ANKH: variants seen among roughly 807,000 people sequenced by gnomAD.
ANKH encodes the protein ANKH inorganic pyrophosphate transport regulator, also known as mineralization regulator ANKH.
Under a neutral mutation model 49.0 loss-of-function variants are expected in ANKH, and 15 were observed. That is an observed-to-expected ratio of 0.31 (90% CI 0.20 to 0.47). The LOEUF is 0.47. ANKH is among the 20% of genes least tolerant of loss of function. The pLI, the probability that ANKH is intolerant of heterozygous loss-of-function variation, is 1.00. For missense variants in ANKH, 429 were observed against 652.0 expected (o/e 0.66, Z 3.72); for synonymous variants, 273 against 260.0 (o/e 1.05, Z -0.48).
intron 8 of ANKH, among the ~76,000 whole-genome samples, chr5:14,720,596 C>G (rs1394281316): frequency 6.6e-6 from 1 of 152,216 alleles, no homozygotes; most frequent in Non-Finnish European, 1.5e-5. Context: ...AGCAGTAAAA[C>G]TGTAAAGAAT....
intron 1 of ANKH, among the ~76,000 whole-genome samples, chr5:14,804,886 C>A (rs1423357615): frequency 6.6e-6 from 1 of 152,160 alleles, no homozygotes; most frequent in African/African-American, 2.4e-5. Flanking sequence ...TTGTGTGAGT[C>A]TGATGGCCTC....
rs140603036 is a variant in ANKH, at chr5:14,801,983, A to C, written c.97-32792T>G. 2.7e-3 allele frequency among the ~76,000 whole-genome samples: 405 copies of C among 152,270 alleles called. 2 individuals are homozygous for C. Among genetic ancestry groups the C allele is most frequent in the Non-Finnish European group, 4.4e-3 (302 of 68,014 alleles). ...GGCTGCAGGACAGGATGCATTTCCT[A>C]CTGTGCATTGCTGGCAGCTGTTTCC... On this transcript the variant is annotated intron_variant, in intron 1 of 11. Transcript: ENST00000284268.
intron 6 of ANKH, among the ~76,000 whole-genome samples, chr5:14,748,675 T>C (rs967910988): frequency 1.3e-5 from 2 of 152,178 alleles, no homozygotes; most frequent in Non-Finnish European, 2.9e-5. Flanking sequence ...AGGTGGCACA[T>C]GCAGGATGGT....
chr5:14,765,974 A>G (rs1269436476), intron 2 of ANKH, among the ~76,000 whole-genome samples: 1 of 152,176 alleles, frequency 6.6e-6, no homozygotes, highest in Non-Finnish European at 1.5e-5. Context: ...AGACTGGGGG[A>G]AAAAAGTCTA....
rs536061750 is a variant in ANKH, at chr5:14,710,644, C to T, written c.*553G>A. On this transcript the variant is annotated 3_prime_UTR_variant, in exon 12 of 12. Coordinates refer to ENST00000284268, the MANE Select transcript of ANKH (RefSeq NM_054027.6). Reference sequence around the variant, plus strand: ...GGACTCCGGGCTGCAGCGTGCCACCCGCCTCCTGCATGTGTGGAGTAGATG... The same window carrying T: ...GGACTCCGGGCTGCAGCGTGCCACCTGCCTCCTGCATGTGTGGAGTAGATG... 3.0e-5 allele frequency: 5 copies of T among 164,390 alleles called. No homozygotes were observed. Among genetic ancestry groups the T allele is most frequent in the Non-Finnish European group, 5.3e-5 (4 of 74,872 alleles). The allele number at this position is 164,390 out of a possible 1,614,324, so 10.2% of individuals were successfully genotyped here.
At chr5:14,848,720 G>T (rs1169259945) in intron 1 of ANKH, among the ~76,000 whole-genome samples, 2 of 152,086 alleles carry the variant, frequency 1.3e-5, no homozygotes, top group Non-Finnish European at 2.9e-5. Flanking sequence ...TGGGTTCCAC[G>T]GTTCTCTTCC....
chr5:14,824,288 T>C (rs1351658202), intron 1 of ANKH, among the ~76,000 whole-genome samples: 1 of 152,206 alleles, frequency 6.6e-6, no homozygotes, highest in East Asian at 1.9e-4. Flanking sequence ...AGAAATGACA[T>C]GTCTGCTGCA....
In ANKH at chr5:14,718,840, A is replaced by T. The variant is rs697564; in HGVS notation, c.1012-2005T>A. 9.8e-5 allele frequency among the ~76,000 whole-genome samples: 9 copies of T among 91,500 alleles called. No individual in the cohort carries two copies. In the East Asian group the frequency reaches 2.7e-3, roughly 28 times the overall value. The allele number at this position is 91,500 out of a possible 152,430, so 60.0% of individuals were successfully genotyped here. A position where few individuals can be genotyped will look rare whatever the true frequency, so the allele number is the denominator to read the frequency against. ...ATCCTCCCAACACCACCCCCCCCCC[A>T]AAAAAAAAAGACATAGAAAAAGATA... is the stretch of plus-strand genomic sequence containing the variant. On this transcript the variant is annotated intron_variant, in intron 8 of 11. Transcript: ENST00000284268.
chr5:14,797,099 A>G, intron 1 of ANKH: 1 of 1,356,270 alleles, frequency 7.4e-7, no homozygotes, highest in South Asian at 1.2e-5. Flanking sequence ...GGGGAGTCTA[A>G]AATCACAAGA....
chr5:14,831,064 T>C (rs554551550), intron 1 of ANKH, among the ~76,000 whole-genome samples: 21 of 152,230 alleles, frequency 1.4e-4, no homozygotes, highest in Non-Finnish European at 2.8e-4. Context: ...GTACTTCCTC[T>C]GGAGTTGATC....
intron 1 of ANKH, among the ~76,000 whole-genome samples, chr5:14,791,322 C>T (rs1740159159): frequency 6.6e-6 from 1 of 152,104 alleles, no homozygotes; most frequent in South Asian, 2.1e-4. Flanking sequence ...GTCATGACTC[C>T]TCGTTCAGCA....
rs565243425 is a variant in ANKH, at chr5:14,737,248, T to C, written c.1011+4579A>G. On this transcript the variant is annotated intron_variant, in intron 8 of 11. Transcript: ENST00000284268. This position sits in a 1 kb window ranked among gnomAD's most constrained non-coding sequence, Gnocchi z 5.0. ...CATTTCTTCCCCACCAAAAGGACTGTTGGAAGATACAGCCCATGCCGGTGA... is the reference window on the plus strand; with the variant it reads ...CATTTCTTCCCCACCAAAAGGACTGCTGGAAGATACAGCCCATGCCGGTGA... Among the ~76,000 whole-genome samples the C allele has an allele frequency of 2.6e-5, 4 of 152,270 alleles. No homozygotes were observed. The highest frequency in any genetic ancestry group is 2.1e-4 in the South Asian group (1 of 4,824).
At chr5:14,837,202 G>C (rs1302205898) in intron 1 of ANKH, among the ~76,000 whole-genome samples, 1 of 152,164 alleles carries the variant, frequency 6.6e-6, no homozygotes, top group Admixed American at 6.5e-5. Flanking sequence ...TCAGGACATA[G>C]GCATGGGCAA....
chr5:14,797,337 G>A, intron 1 of ANKH: 5 of 1,603,046 alleles, frequency 3.1e-6, no homozygotes, highest in Non-Finnish European at 4.3e-6. Flanking sequence ...ATCTTCTGGG[G>A]ATTGTTCCTC....
At chr5:14,867,155 CAAAAAAAA>C (rs774841903) in intron 1 of ANKH, among the ~76,000 whole-genome samples, 1 of 69,264 alleles carries the variant, frequency 1.4e-5, no homozygotes, top group South Asian at 5.0e-4. Context: ...GACTCAGTCT[CAAAAAAAA>C]AAAAAAAAAA....
intron 1 of ANKH, among the ~76,000 whole-genome samples, chr5:14,792,520 T>A (rs1016040718): frequency 3.9e-5 from 6 of 152,002 alleles, no homozygotes; most frequent in Non-Finnish European, 7.4e-5. Flanking sequence ...TCCCTCACAG[T>A]GGGGAATGGA....
chr5:14,731,952 T>C (rs746338143), intron 8 of ANKH, among the ~76,000 whole-genome samples: 1 of 152,166 alleles, frequency 6.6e-6, no homozygotes, highest in African/African-American at 2.4e-5. Context: ...GAGTGTCACG[T>C]GAACAGGGGT....
chr5:14,712,581 G>C (rs1737265438), intron 11 of ANKH, among the ~76,000 whole-genome samples: 1 of 152,250 alleles, frequency 6.6e-6, no homozygotes, highest in African/African-American at 2.4e-5. Context: ...CAAGCCATAG[G>C]CTGAATTTCG....
chr5:14,768,152 A>G (rs546462019), intron 2 of ANKH: 26 of 152,362 alleles, frequency 1.7e-4, no homozygotes, highest in African/African-American at 6.0e-4. Flanking sequence ...CACACTGTAA[A>G]CGGTCTGGGT....
Sources: allele counts gnomAD v4.1 joint callset (sites outside exome capture counted in the v4.1 genomes callset), GRCh38; gene constraint gnomAD v4.1.1; non-coding constraint Gnocchi (gnomAD v3.1); transcripts MANE v1.5; gene names NCBI Gene and HGNC (gene_info 2026-07-23, HGNC 2026-07-21).